VAV2: variants seen among roughly 807,000 people sequenced by gnomAD.
VAV2 encodes vav guanine nucleotide exchange factor 2, also known as guanine nucleotide exchange factor VAV2.
Under a neutral mutation model 132.5 loss-of-function variants are expected in VAV2, and 67 were observed. That is an observed-to-expected ratio of 0.51 (90% CI 0.42 to 0.62). VAV2 has a LOEUF of 0.62. Ranked by LOEUF, VAV2 falls within the 20% of genes least tolerant of loss-of-function variation. The probability of loss-of-function intolerance (pLI) is 0.00; values close to 1 mark genes in which losing one functional copy is unlikely to be tolerated. For missense variants in VAV2, 938 were observed against 1,153.6 expected (o/e 0.81, Z 2.71); for synonymous variants, 492 against 443.5 (o/e 1.11, Z -1.37).
intron 1 of VAV2, among the ~76,000 whole-genome samples, chr9:133,955,823 C>A (rs1358144861): frequency 9.6e-6 from 1 of 104,536 alleles, no homozygotes; most frequent in Non-Finnish European, 1.9e-5. Context: ...CCTCCCCACT[C>A]CTCCCCACAG....
At position 133,952,081 on chromosome 9, in the gene VAV2, C is replaced by T. The variant is rs140627231; in HGVS notation, c.205-12862G>A. 3.5e-4 allele frequency among the ~76,000 whole-genome samples: 53 copies of T among 152,224 alleles called. 1 individual carries two copies. In the East Asian group the frequency reaches 5.4e-3, roughly 16 times the overall value. On this transcript the variant is annotated intron_variant, in intron 1 of 29. Transcript: ENST00000371850. ...CCTATTCATGAAGGGTCCGCTCTTA[C>T]GACCTCATCTAAACCCAATTACCTC... is the stretch of plus-strand genomic sequence containing the variant.
chr9:133,959,075 A>G (rs1430329801), intron 1 of VAV2, among the ~76,000 whole-genome samples: 2 of 152,178 alleles, frequency 1.3e-5, no homozygotes, highest in South Asian at 2.1e-4. Flanking sequence ...CAGGGCTTGC[A>G]GCAGAGACAG....
chr9:133,770,852 G>A (rs535092838), intron 26 of VAV2, among the ~76,000 whole-genome samples: 4 of 152,248 alleles, frequency 2.6e-5, no homozygotes, highest in Admixed American at 2.0e-4. Context: ...AGAGCCATGC[G>A]GCCATCAGCC....
intron 1 of VAV2, among the ~76,000 whole-genome samples, chr9:133,948,000 A>G (rs973842091): frequency 6.6e-5 from 10 of 152,100 alleles, no homozygotes; most frequent in Admixed American, 6.5e-4. Flanking sequence ...CACGTTGGCC[A>G]GGCTCGTCTC....
At chr9:133,933,350 T>TAAGTA (rs1354936494) in intron 2 of VAV2, among the ~76,000 whole-genome samples, 1 of 152,270 alleles carries the variant, frequency 6.6e-6, no homozygotes, top group African/African-American at 2.4e-5. Context: ...AACTCCAGCA[T>TAAGTA]ACTAAGTGCT....
Position 133,772,002 on chromosome 9 carries a change from T to C in VAV2, c.2180A>G (p.Asn727Ser). 1 of 1,552,342 alleles carries C rather than the reference T, an allele frequency of 6.4e-7. No homozygotes were observed. Among genetic ancestry groups the C allele is most frequent in the Non-Finnish European group, 8.7e-7 (1 of 1,143,712 alleles). ...VKHIKVVEKD[N>S]WIHITEAKKF... ...CTTGGCCTCTGTGATGTGGATCCAG[T>C]TGTCCTTCTCCACCACCTTGATGTG... The change falls in exon 26 of 30, where the codon AAC becomes AGC. Residue 727 changes from asparagine to serine, a missense_variant. By Grantham distance (46) the Asn-to-Ser change is conservative. Coordinates refer to ENST00000371850, the MANE Select transcript of VAV2 (RefSeq NM_001134398.2).
chr9:133,786,192 C>T (rs578219831), intron 16 of VAV2, among the ~76,000 whole-genome samples: 4 of 152,372 alleles, frequency 2.6e-5, no homozygotes, highest in African/African-American at 9.6e-5. Flanking sequence ...CATGGGTGTG[C>T]ATCTGTGCCT....
chr9:133,935,281 C>A lies in VAV2; in HGVS notation c.321+3822G>T, dbSNP rs1840865094. Among the ~76,000 whole-genome samples the A allele has an allele frequency of 6.6e-6, 1 of 152,106 alleles. No homozygotes were observed. Among genetic ancestry groups the A allele is most frequent in the South Asian group, 2.1e-4 (1 of 4,820 alleles). ...ACGTGTAGGAAACGCTCAGTAAATG[C>A]CCCGAAAAAATGAAAGGGGCATTCG... On this transcript the variant is annotated intron_variant, in intron 2 of 29. Transcript: ENST00000371850. This position sits in a 1 kb window ranked among gnomAD's most constrained non-coding sequence, Gnocchi z 5.2.
chr9:133,964,099 C>T (rs1842069297), intron 1 of VAV2, among the ~76,000 whole-genome samples: 1 of 135,838 alleles, frequency 7.4e-6, no homozygotes, highest in African/African-American at 2.7e-5. Context: ...TTGGCTCATG[C>T]CTGTAGTCCC....
At chr9:133,878,976 C>T (rs775021575) in intron 2 of VAV2, among the ~76,000 whole-genome samples, 7 of 152,188 alleles carry the variant, frequency 4.6e-5, no homozygotes, top group Admixed American at 1.3e-4. Context: ...CAGCCTTTGA[C>T]TCCATGGAGC....
At chr9:133,839,637 G>T (rs559236040) in intron 3 of VAV2, among the ~76,000 whole-genome samples, 1 of 151,994 alleles carries the variant, frequency 6.6e-6, no homozygotes, top group Non-Finnish European at 1.5e-5. Flanking sequence ...TTTTAGTAGA[G>T]ACAGGGTTTC....
intron 4 of VAV2, among the ~76,000 whole-genome samples, chr9:133,817,458 G>C (rs1325579049): frequency 2.0e-5 from 3 of 152,042 alleles, no homozygotes; most frequent in Non-Finnish European, 4.4e-5. Flanking sequence ...TTCGAGGCCA[G>C]CCTGGCCAAT....
At chr9:133,898,835 T>G (rs1444167595) in intron 2 of VAV2, among the ~76,000 whole-genome samples, 2 of 66,704 alleles carry the variant, frequency 3.0e-5, no homozygotes, top group African/African-American at 8.0e-5. Flanking sequence ...TTTTTTTTTT[T>G]TTTTTTGAGA....
chr9:133,776,085 T>G lies in VAV2; in HGVS notation c.1966-5A>C. 1 of 1,612,846 alleles carries G rather than the reference T, an allele frequency of 6.2e-7. No homozygotes were observed. The highest frequency in any genetic ancestry group is 1.1e-5 in the South Asian group (1 of 90,994). ...TGGCGGCCGGCTGATGGGCGGCTGG[T>G]GGCAGAGCACAAGAGTGTTAACGGC... On this transcript the variant is annotated splice_region_variant and splice_polypyrimidine_tract_variant and intron_variant, in intron 23 of 29. Coordinates refer to ENST00000371850, the MANE Select transcript of VAV2 (RefSeq NM_001134398.2).
At chr9:133,777,920 A>T (rs1212076677) in intron 22 of VAV2, among the ~76,000 whole-genome samples, 1 of 152,160 alleles carries the variant, frequency 6.6e-6, no homozygotes, top group Non-Finnish European at 1.5e-5. Context: ...TTCGGCTCTA[A>T]TGTCAGCTCC....
At chr9:133,945,966 T>G (rs1030555683) in intron 1 of VAV2, among the ~76,000 whole-genome samples, 9 of 152,226 alleles carry the variant, frequency 5.9e-5, no homozygotes, top group Non-Finnish European at 1.0e-4. Flanking sequence ...AGGAGAACCC[T>G]GCCCTCTGAC....
Position 133,837,108 on chromosome 9 carries a change from G to C in VAV2, c.381-2768C>G, listed in dbSNP as rs537281934. Among the ~76,000 whole-genome samples, 3 of 152,330 alleles carry C rather than the reference G, an allele frequency of 2.0e-5. No individual in the cohort carries two copies. The East Asian group carries it at 5.8e-4, about 29-fold the overall frequency. ...TGGACAACCTACTTAACCTCTCTGA[G>C]TGTCAGCCTTCTCCTCCTGGAAAAT... On this transcript the variant is annotated intron_variant, in intron 3 of 29. Transcript: ENST00000371850.
intron 2 of VAV2, among the ~76,000 whole-genome samples, chr9:133,903,453 A>G (rs2810496): frequency 0.65 from 99,459 of 152,050 alleles, 34,528 homozygotes; most frequent in East Asian, 0.93. Flanking sequence ...TCAGGCTCAA[A>G]AGACAGGGGC....
At chr9:133,990,379 C>G (rs987019874) in intron 1 of VAV2, among the ~76,000 whole-genome samples, 2 of 152,178 alleles carry the variant, frequency 1.3e-5, no homozygotes, top group African/African-American at 4.8e-5. Flanking sequence ...GCTTGAACTT[C>G]CAGTGCAGGA....
Sources: gnomAD v4.1 joint callset for allele counts (sites outside exome capture counted in the v4.1 genomes callset) on GRCh38, gnomAD v4.1.1 for gene constraint, Gnocchi (gnomAD v3.1) non-coding constraint, MANE v1.5 for transcripts, NCBI Gene and HGNC (gene_info 2026-07-23, HGNC 2026-07-21) for gene names.